Variants in FOXP1 observed in about 807,000 individuals in gnomAD.
The protein encoded by FOXP1 is forkhead box P1.
FOXP1 carries 15 observed loss-of-function variants against 98.2 expected under a neutral mutation model. That is an observed-to-expected ratio of 0.15 (90% CI 0.10 to 0.24). FOXP1 has a LOEUF of 0.24. FOXP1 is among the 10% of genes least tolerant of loss of function. The pLI is 1.00. For synonymous variants in FOXP1, 371 were observed against 314.5 expected, an observed-to-expected ratio of 1.18 and a Z score of -1.90; for missense variants, 633 against 848.5, an observed-to-expected ratio of 0.75 and a Z score of 3.15.
chr3:71,200,377 C>G (rs78281293), intron 5 of FOXP1, among the ~76,000 whole-genome samples: 11,553 of 152,184 alleles, frequency 0.076, 615 homozygotes, highest in East Asian at 0.28. Context: ...GATGAGAAAA[C>G]TAAGGATCCA....
intron 7 of FOXP1, among the ~76,000 whole-genome samples, chr3:71,093,271 A>C (rs2056085985): frequency 5.2e-5 from 2 of 38,770 alleles, no homozygotes; most frequent in Admixed American, 8.1e-4. Context: ...AAAAATAAAA[A>C]TGAAAAAAAA....
At chr3:71,380,974 A>G (rs2080113324) in intron 3 of FOXP1, among the ~76,000 whole-genome samples, 1 of 152,200 alleles carries the variant, frequency 6.6e-6, no homozygotes, top group Non-Finnish European at 1.5e-5. Context: ...CTGGAAAAAA[A>G]GGGACTTGAA....
Position 70,971,287 on chromosome 3 carries a change from G to A in FOXP1, c.1653-482C>T, listed in dbSNP as rs2036180262. On this transcript the variant is annotated intron_variant, in intron 18 of 20. Coordinates refer to ENST00000649528, the MANE Select transcript of FOXP1 (RefSeq NM_001349338.3). ...AAGGCTTTTAAGGAATATCCACAAG[G>A]CACGTTTATTGCCAACAGGCGATGG... 3.1e-5 allele frequency: 6 copies of A among 196,524 alleles called. No individual in the cohort carries two copies. In the South Asian group the frequency reaches 3.9e-4, roughly 13 times the overall value. 12.2% of individuals were successfully genotyped at this position (196,524 alleles called of 1,614,324 possible).
intron 4 of FOXP1, among the ~76,000 whole-genome samples, chr3:71,351,888 C>G (rs887538793): frequency 1.3e-5 from 2 of 152,214 alleles, no homozygotes; most frequent in Non-Finnish European, 2.9e-5. Flanking sequence ...AATGTCTTAA[C>G]AGGCACATCC....
intron 6 of FOXP1, among the ~76,000 whole-genome samples, chr3:71,164,446 G>A (rs1553764695): frequency 6.6e-6 from 1 of 152,092 alleles, no homozygotes; most frequent in South Asian, 2.1e-4. Context: ...TGATCTGCCC[G>A]CCTCGGCCTC....
At chr3:70,961,178 T>C (rs1228429161) in intron 20 of FOXP1, among the ~76,000 whole-genome samples, 1 of 152,000 alleles carries the variant, frequency 6.6e-6, no homozygotes, top group Non-Finnish European at 1.5e-5. Context: ...CAAAACAAAA[T>C]GTAGCAAAGT....
In FOXP1 at chr3:70,958,058, T is replaced by C. The variant is rs555165294; in HGVS notation, c.*1189A>G. On this transcript the variant is annotated 3_prime_UTR_variant, in exon 21 of 21. Coordinates refer to ENST00000649528, the MANE Select transcript of FOXP1 (RefSeq NM_001349338.3). ...GTTATCGCAGAGCACCCAAGGCCCA[T>C]GGCAACTTGGTTCCACAAGGGAGAG... 28 of 291,130 alleles carry C rather than the reference T, an allele frequency of 9.6e-5. No individual in the cohort carries two copies. In the East Asian group the frequency reaches 1.1e-3, roughly 11 times the overall value. The allele number at this position is 291,130 out of a possible 1,614,324, so 18.0% of individuals were successfully genotyped here. A position where few individuals can be genotyped will look rare whatever the true frequency, so the allele number is the denominator to read the frequency against.
At chr3:71,289,912 C>T (rs936561941) in intron 5 of FOXP1, 1 of 152,302 alleles carries the variant, frequency 6.6e-6, no homozygotes, top group African/African-American at 2.4e-5. Context: ...CTCAGCCTCC[C>T]AGAGTCAGAA....
At chr3:70,976,049 CT>C (rs10610516) in intron 17 of FOXP1, among the ~76,000 whole-genome samples, 53,063 of 115,142 alleles carry the variant, frequency 0.46, 10,670 homozygotes, top group Middle Eastern at 0.6. Flanking sequence ...GGACAATCTC[CT>C]TTTTTTTTTT....
In FOXP1 at chr3:71,250,459, C is replaced by T. The variant is rs145606723; in HGVS notation, c.-12+49361G>A. 3.6e-3 allele frequency among the ~76,000 whole-genome samples: 545 copies of T among 152,338 alleles called. 4 individuals are homozygous for T. Among genetic ancestry groups the T allele is most frequent in the African/African-American group, 0.012 (506 of 41,576 alleles). On this transcript the variant is annotated intron_variant, in intron 5 of 20. Coordinates refer to ENST00000649528, the MANE Select transcript of FOXP1 (RefSeq NM_001349338.3). ...AGTTTAATTAATTTAAATAGCCACA[C>T]ATGCCTAGTGGCTGCCATATCTTGG...
rs1247880956 is a variant in FOXP1, at chr3:71,516,343, TG to T, written c.-297-22789del. On this transcript the variant is annotated intron_variant, in intron 2 of 20. Transcript: ENST00000649528. ...ATGAGAAGGAGGGATAGAAAAAGAATGAAAAACAAATGGAACCAAGTATAAT... is the reference window on the plus strand; with the variant it reads ...ATGAGAAGGAGGGATAGAAAAAGAATAAAAACAAATGGAACCAAGTATAAT... 4.6e-5 allele frequency among the ~76,000 whole-genome samples: 7 copies of T among 152,096 alleles called. 1 individual carries two copies. The South Asian group carries it at 6.2e-4, about 14-fold the overall frequency.
chr3:70,968,188 G>A (rs1314840159), intron 19 of FOXP1, among the ~76,000 whole-genome samples: 3 of 151,152 alleles, frequency 2.0e-5, no homozygotes, highest in Non-Finnish European at 2.9e-5. Flanking sequence ...CAAGAACGAT[G>A]TAAGTGATGA....
At chr3:71,551,462 A>G (rs945075081) in intron 2 of FOXP1, among the ~76,000 whole-genome samples, 2 of 152,234 alleles carry the variant, frequency 1.3e-5, no homozygotes. Context: ...CCTTAGAAGC[A>G]TACCAAAAAC....
At chr3:70,997,480 A>G (rs1337233925) in intron 13 of FOXP1, among the ~76,000 whole-genome samples, 1 of 152,192 alleles carries the variant, frequency 6.6e-6, no homozygotes, top group Non-Finnish European at 1.5e-5. Context: ...TCTCAATCGA[A>G]TCCTTGGTTA....
intron 3 of FOXP1, among the ~76,000 whole-genome samples, chr3:71,490,112 A>G (rs55853340): frequency 0.26 from 38,975 of 152,172 alleles, 5,357 homozygotes; most frequent in Non-Finnish European, 0.31. Flanking sequence ...TGGAATGACT[A>G]ACTATCAGAT....
chr3:71,175,940 A>G (rs1238574046), intron 6 of FOXP1, among the ~76,000 whole-genome samples: 1 of 152,198 alleles, frequency 6.6e-6, no homozygotes, highest in Admixed American at 6.5e-5. Flanking sequence ...GGAGCAAAGG[A>G]CATTTTCTCA....
At chr3:71,385,899 T>C (rs1657191068) in intron 3 of FOXP1, among the ~76,000 whole-genome samples, 1 of 152,186 alleles carries the variant, frequency 6.6e-6, no homozygotes, top group Admixed American at 6.5e-5. Flanking sequence ...ACTATCTTCG[T>C]AACCTCTAGT....
intron 4 of FOXP1, among the ~76,000 whole-genome samples, chr3:71,352,531 G>C (rs1364950092): frequency 2.0e-5 from 3 of 146,470 alleles, no homozygotes; most frequent in Admixed American, 6.8e-5. Flanking sequence ...TCTAGGTCCA[G>C]ATCCTACTTT....
At position 71,399,477 on chromosome 3, in the gene FOXP1, A is replaced by G. The variant is rs186731798; in HGVS notation, c.-167-40233T>C. 8.8e-4 allele frequency among the ~76,000 whole-genome samples: 134 copies of G among 152,344 alleles called. 1 individual carries two copies. Among genetic ancestry groups the G allele is most frequent in the Middle Eastern group, 3.4e-3 (1 of 294 alleles). ...CAAGCAAGTTTCAAAATAAGCAGCT[A>G]TTTGGGTATACCTGAAGTTCTAAAA... On this transcript the variant is annotated intron_variant, in intron 3 of 20. Transcript: ENST00000649528.
Sources: gnomAD v4.1 joint callset for allele counts (sites outside exome capture counted in the v4.1 genomes callset) on GRCh38, gnomAD v4.1.1 for gene constraint, MANE v1.5 for transcripts, NCBI Gene and HGNC (gene_info 2026-07-23, HGNC 2026-07-21) for gene names.